ZNF273: variants seen among roughly 807,000 people sequenced by gnomAD.
ZNF273 encodes the protein zinc finger protein 273.
A neutral mutation model predicts 14.9 loss-of-function variants in ZNF273; 11 were observed. That is an observed-to-expected ratio of 0.74 (90% CI 0.46 to 1.22). The LOEUF (loss-of-function observed/expected upper bound fraction) is 1.22, where lower values mean the gene tolerates loss of function less well. ZNF273 is among the 50% of genes most tolerant of loss of function. ZNF273 has a pLI of 0.00. For synonymous variants in ZNF273, 199 were observed against 223.9 expected (o/e 0.89, Z 0.99); for missense variants, 577 against 660.6 (o/e 0.87, Z 1.39).
intron 1 of ZNF273, among the ~76,000 whole-genome samples, chr7:64,915,063 C>G (rs1320445872): frequency 1.3e-5 from 2 of 151,394 alleles, no homozygotes; most frequent in African/African-American, 4.9e-5. Flanking sequence ...TTTATTTTAA[C>G]TACTTTAAAA....
chr7:64,916,408 G>A (rs1402301354), intron 1 of ZNF273, among the ~76,000 whole-genome samples: 18 of 150,078 alleles, frequency 1.2e-4, no homozygotes, highest in Non-Finnish European at 2.2e-4. Flanking sequence ...GCATGGCAGC[G>A]GCGGCAGGCG....
downstream of ZNF273, among the ~76,000 whole-genome samples, chr7:64,890,283 G>T (rs943954877): frequency 6.7e-6 from 1 of 150,354 alleles, no homozygotes; most frequent in Admixed American, 6.7e-5. Flanking sequence ...TAGAGTAGGA[G>T]TGAACAGCAG....
intron 3 of ZNF273, among the ~76,000 whole-genome samples, chr7:64,925,747 G>A (rs896072332): frequency 6.1e-5 from 9 of 148,724 alleles, no homozygotes; most frequent in Non-Finnish European, 1.2e-4. Context: ...TGCATACAAA[G>A]TTTTTTCCTC....
At chr7:64,887,546 G>A (rs940397822) in intron 1 of ZNF273, among the ~76,000 whole-genome samples, 2 of 152,222 alleles carry the variant, frequency 1.3e-5, no homozygotes, top group Admixed American at 1.3e-4. Context: ...TGCACAGGCT[G>A]GAGTGCAGTG....
downstream of ZNF273, chr7:64,880,131 C>CT (rs1160299368): frequency 6.6e-6 from 1 of 152,270 alleles, no homozygotes; most frequent in Non-Finnish European, 1.5e-5. Context: ...AGGGGGTCCT[C>CT]TGTGACGTGC....
intron 1 of ZNF273, chr7:64,877,962 G>C (rs1434538081): frequency 6.6e-6 from 1 of 152,310 alleles, no homozygotes; most frequent in African/African-American, 2.4e-5. Flanking sequence ...GAAGTTGCTG[G>C]GCTGTGTGTT....
chr7:64,915,779 T>C (rs1793933724), intron 1 of ZNF273, among the ~76,000 whole-genome samples: 1 of 152,224 alleles, frequency 6.6e-6, no homozygotes, highest in East Asian at 1.9e-4. Flanking sequence ...CCTTTGTAAA[T>C]ATGGAGAACA....
In ZNF273 at chr7:64,928,136, G is replaced by A; in HGVS notation, c.808G>A (p.Ala270Thr). 3 of 1,613,636 alleles carry A rather than the reference G, an allele frequency of 1.9e-6. No homozygotes were observed. Among genetic ancestry groups the A allele is most frequent in the Non-Finnish European group, 2.5e-6 (3 of 1,179,842 alleles). Residue 270 changes from alanine to threonine, a missense_variant, in exon 4 of 4, where the codon GCC (alanine) becomes ACC (threonine). By Grantham distance (58) the Ala-to-Thr change is moderately conservative. Around this residue, in one of 3 missense-constraint regions of ZNF273, gnomAD observed 411 missense variants for 440.4 expected, o/e 0.93. Transcript: ENST00000476120. Reference protein sequence around the residue: ...NPYKCEECGKAFNQSLTLTKH... With the variant: ...NPYKCEECGKTFNQSLTLTKH... ...CTACAAATGTGAAGAATGTGGCAAAGCCTTTAACCAGTCCTTAACTCTTAC... is the reference window on the plus strand; with the variant it reads ...CTACAAATGTGAAGAATGTGGCAAAACCTTTAACCAGTCCTTAACTCTTAC...
intron 3 of ZNF273, among the ~76,000 whole-genome samples, chr7:64,895,396 A>G (rs1185316846): frequency 6.6e-6 from 1 of 152,170 alleles, no homozygotes. Context: ...CTGTCTTTCA[A>G]TATTGTTTCA....
rs907187240 is a variant in ZNF273 at position 64,929,738 on chromosome 7, G to A, written c.*700G>A. 6.6e-6 allele frequency: 1 copy of A among 151,596 alleles called. No homozygotes were observed. The highest frequency in any genetic ancestry group is 2.4e-5 in the African/African-American group (1 of 41,228). 9.4% of individuals were successfully genotyped at this position (151,596 alleles called of 1,614,324 possible). A position where few individuals can be genotyped will look rare whatever the true frequency, so the allele number is the denominator to read the frequency against. On this transcript the variant is annotated 3_prime_UTR_variant, in exon 4 of 4. Coordinates refer to ENST00000476120, the MANE Select transcript of ZNF273 (RefSeq NM_021148.3). ...AATAGTGAACAAGTTTTTGGCAGAG[G>A]TATATTTACATTCAGAGTACACTTT...
At chr7:64,915,701 GT>G (rs1397126714) in intron 1 of ZNF273, among the ~76,000 whole-genome samples, 1 of 152,202 alleles carries the variant, frequency 6.6e-6, no homozygotes, top group African/African-American at 2.4e-5. Flanking sequence ...CAGAGGTTTT[GT>G]TTATGGCCAG....
downstream of ZNF273, chr7:64,889,385 G>A (rs561721825): frequency 2.0e-6 from 2 of 976,364 alleles, no homozygotes; most frequent in Non-Finnish European, 2.4e-6. The surrounding 1 kb of genome is among the most constrained non-coding windows in gnomAD (Gnocchi z 4.2). Flanking sequence ...ATCTGGCAGG[G>A]CCGTGCGGCT....
chr7:64,915,366 C>G (rs958744239), intron 1 of ZNF273, among the ~76,000 whole-genome samples: 1 of 152,208 alleles, frequency 6.6e-6, no homozygotes, highest in Non-Finnish European at 1.5e-5. Context: ...AGGGGTCTCA[C>G]AGCCTTCAGA....
chr7:64,892,016 ACT>A (rs1405498864), downstream of ZNF273, among the ~76,000 whole-genome samples: 9 of 151,848 alleles, frequency 5.9e-5, no homozygotes, highest in South Asian at 1.5e-3. Flanking sequence ...CCTTTCAATG[ACT>A]CTCATTGTCC....
chr7:64,926,346 CTTTG>C (rs753983934), intron 3 of ZNF273, among the ~76,000 whole-genome samples: 1 of 151,866 alleles, frequency 6.6e-6, no homozygotes, highest in Non-Finnish European at 1.5e-5. Flanking sequence ...TTATAAATAT[CTTTG>C]TTTGTATCCT....
chr7:64,916,493 C>T (rs1354009752), intron 1 of ZNF273, among the ~76,000 whole-genome samples: 2 of 143,894 alleles, frequency 1.4e-5, no homozygotes, highest in Admixed American at 7.2e-5. Context: ...TGCACTGAGC[C>T]GAGATCACAC....
intron 3 of ZNF273, among the ~76,000 whole-genome samples, chr7:64,924,588 C>T (rs1459132496): frequency 6.6e-6 from 1 of 152,164 alleles, no homozygotes; most frequent in Admixed American, 6.5e-5. Flanking sequence ...GTTTAATGTC[C>T]GTACTTGTCT....
intron 3 of ZNF273, among the ~76,000 whole-genome samples, chr7:64,920,514 C>T (rs1189999423): frequency 6.6e-6 from 1 of 152,136 alleles, no homozygotes; most frequent in East Asian, 1.9e-4. Flanking sequence ...GCATGTCTTT[C>T]TCTAAGCCTC....
upstream of ZNF273, among the ~76,000 whole-genome samples, chr7:64,901,814 A>G (rs971988921): frequency 2.0e-5 from 3 of 151,962 alleles, no homozygotes; most frequent in Non-Finnish European, 2.9e-5. Flanking sequence ...GCCGGGCACG[A>G]TGGCACATGC....
Sources: allele counts gnomAD v4.1 joint callset (sites outside exome capture counted in the v4.1 genomes callset), GRCh38; gene constraint gnomAD v4.1.1; regional missense constraint gnomAD v4.1.1; non-coding constraint Gnocchi (gnomAD v3.1); transcripts MANE v1.5; gene names NCBI Gene and HGNC (gene_info 2026-07-23, HGNC 2026-07-21).